The following CA11 variants were observed in gnomAD, a reference collection of about 807,000 sequenced individuals.
CA11 encodes carbonic anhydrase 11 (inactive).
A neutral mutation model predicts 39.3 loss-of-function variants in CA11; 20 were observed. The observed-to-expected ratio is 0.51, with a 90% confidence interval of 0.36 to 0.74. CA11 has a LOEUF of 0.74. Among genes scored for constraint, CA11 ranks in the 30% least tolerant of loss-of-function variants. CA11 has a pLI of 0.00. For synonymous variants in CA11, 166 were observed against 172.5 expected, an observed-to-expected ratio of 0.96 and a Z score of 0.29; for missense variants, 336 against 424.6, an observed-to-expected ratio of 0.79 and a Z score of 1.83.
intron 2 of CA11, 99 bp downstream of exon 2, chr19:48,645,304 G>C (rs2031213228): frequency 1.9e-6 from 2 of 1,064,168 alleles, no homozygotes; most frequent in African/African-American, 3.2e-5. Flanking sequence ...TGGGACTCCT[G>C]GTCCTGGGGG....
At position 48,638,121 on chromosome 19, in the gene CA11, A is replaced by G. The variant is rs1330031263; in HGVS notation, c.985T>C (p.Ter329ArgextTer?). ...GGTGCAATCCTCGAAGGGGAGTCTC[A>G]GCGACCATGGGGGACACCATCCACT... ...LHVDGVPHGR[*>R] The change falls in exon 9 of 9, where the codon TGA becomes CGA. Residue 329 changes from the stop codon to arginine, a stop_lost. Coordinates refer to ENST00000084798, the MANE Select transcript of CA11 (RefSeq NM_001217.5). 5.8e-6 allele frequency: 8 copies of G among 1,368,340 alleles called. No homozygotes were observed. The highest frequency in any genetic ancestry group is 7.6e-6 in the Non-Finnish European group (8 of 1,049,408). The allele number at this position is 1,368,340 out of a possible 1,614,324, so 84.8% of individuals were successfully genotyped here.
intron 2 of CA11, 117 bp downstream of exon 2, chr19:48,645,286 G>A: frequency 1.2e-6 from 1 of 851,086 alleles, no homozygotes; most frequent in Non-Finnish European, 1.9e-6. Flanking sequence ...AGGGACAGAG[G>A]AGGGGGCTGG....
chr19:48,645,758 C>A lies in CA11; in HGVS notation c.-126G>T. On this transcript the variant is annotated 5_prime_UTR_variant, in exon 1 of 9. Coordinates refer to ENST00000084798, the MANE Select transcript of CA11 (RefSeq NM_001217.5). The stretch of plus-strand genomic sequence containing the variant: ...CTTTCCTCTCCTCCCCACAGGGAGT[C>A]CCAGTTCCCCAAATGCCAAAGCAGC... 1 of 701,994 alleles carries A rather than the reference C, an allele frequency of 1.4e-6. No individual in the cohort carries two copies. The highest frequency in any genetic ancestry group is 2.2e-5 in the South Asian group (1 of 45,958). 43.5% of individuals were successfully genotyped at this position (701,994 alleles called of 1,614,324 possible). A position where few individuals can be genotyped will look rare whatever the true frequency, so the allele number is the denominator to read the frequency against.
intron 3 of CA11, among the ~76,000 whole-genome samples, chr19:48,640,978 G>GT (rs201065266): frequency 0.015 from 1,297 of 89,316 alleles, 23 homozygotes; most frequent in African/African-American, 0.035. Flanking sequence ...CCGGCTTTTT[G>GT]TTTTTGTTTT....
At position 48,640,253 on chromosome 19, in the gene CA11, G is replaced by C. The variant is rs1568443081; in HGVS notation, c.313C>G (p.Arg105Gly). 6.2e-7 allele frequency: 1 copy of C among 1,613,874 alleles called. No homozygotes were observed. The highest frequency in any genetic ancestry group is 8.5e-7 in the Non-Finnish European group (1 of 1,179,986). ...KLRGTLYNTG[R>G]HVSFLPAPRP... ...GGTGCAGGCAGGAAGGAGACATGTC[G>C]GCCGGTGTTGTACAAGGTTCCCCGG... The change falls in exon 4 of 9, where the codon CGA (arginine) becomes GGA (glycine). Residue 105 changes from arginine to glycine, a missense_variant. By Grantham distance (125) the Arg-to-Gly change is moderately radical. Transcript: ENST00000084798.
At position 48,643,776 on chromosome 19, in the gene CA11, C is replaced by T. The variant is rs2147722233; in HGVS notation, c.285+651G>A. On this transcript the variant is annotated intron_variant, in intron 3 of 8. Coordinates refer to ENST00000084798, the MANE Select transcript of CA11 (RefSeq NM_001217.5). This position sits in a 1 kb window ranked among gnomAD's most constrained non-coding sequence, Gnocchi z 4.3. Reference sequence around the variant, plus strand: ...CTTAACCTCTGTGTGTCAGTTTCTGCATGTATATAATAAGGTTAATAATTG... The same window carrying T: ...CTTAACCTCTGTGTGTCAGTTTCTGTATGTATATAATAAGGTTAATAATTG... Among the ~76,000 whole-genome samples, 1 of 152,168 alleles carries T rather than the reference C, an allele frequency of 6.6e-6. No individual in the cohort carries two copies. The highest frequency in any genetic ancestry group is 1.9e-4 in the East Asian group (1 of 5,184).
intron 3 of CA11, among the ~76,000 whole-genome samples, chr19:48,641,260 G>A (rs560367848): frequency 2.2e-4 from 34 of 151,910 alleles, no homozygotes; most frequent in African/African-American, 7.7e-4. Flanking sequence ...GGTTACAGGC[G>A]TGAGCCACCG....
Position 48,639,890 on chromosome 19 carries a change from G to T in CA11, c.472-7C>A. On this transcript the variant is annotated splice_region_variant and splice_polypyrimidine_tract_variant and intron_variant, in intron 4 of 8. Coordinates refer to ENST00000084798, the MANE Select transcript of CA11 (RefSeq NM_001217.5). ...TGAAGTGAATGAGCTGCACCTGGGG[G>T]TAGCACAGAGCATGGGGTCCCCCAG... The T allele has an allele frequency of 6.2e-7, 1 of 1,612,870 alleles. No homozygotes were observed. The highest frequency in any genetic ancestry group is 1.1e-5 in the South Asian group (1 of 91,058).
At position 48,639,410 on chromosome 19, in the gene CA11, T is replaced by C; in HGVS notation, c.690A>G (p.Glu230=). Residue 230 remains glutamate (E), a synonymous_variant, in exon 7 of 9, where the codon GAA becomes GAG. Coordinates refer to ENST00000084798, the MANE Select transcript of CA11 (RefSeq NM_001217.5). ...CCTGATAGGTGATGAAGCCGAAGGATTCAGGGAACAGGAGCTCCAGGCTCA... is the reference window on the plus strand; with the variant it reads ...CCTGATAGGTGATGAAGCCGAAGGACTCAGGGAACAGGAGCTCCAGGCTCA... ...QDLSLELLFP[E]SFGFITYQGS... is the part of the protein sequence containing the mutation. 1 of 1,613,592 alleles carries C rather than the reference T, an allele frequency of 6.2e-7. No homozygotes were observed. Among genetic ancestry groups the C allele is most frequent in the South Asian group, 1.1e-5 (1 of 91,068 alleles).
Position 48,643,410 on chromosome 19 carries a change from A to G in CA11, c.285+1017T>C, listed in dbSNP as rs932957889. Among the ~76,000 whole-genome samples the G allele has an allele frequency of 6.6e-6, 1 of 150,996 alleles. No homozygotes were observed. The highest frequency in any genetic ancestry group is 2.0e-4 in the East Asian group (1 of 5,068). ...TTTTTAGTAGAGATGGGGTTTCACC[A>G]TGTTGGCCAGGCTGATCTCGAACTC... On this transcript the variant is annotated intron_variant, in intron 3 of 8. Coordinates refer to ENST00000084798, the MANE Select transcript of CA11 (RefSeq NM_001217.5). This position sits in a 1 kb window ranked among gnomAD's most constrained non-coding sequence, Gnocchi z 4.3.
intron 7 of CA11, 80 bp from the exon 8 acceptor site, chr19:48,639,133 G>A: frequency 6.4e-7 from 1 of 1,571,744 alleles, no homozygotes; most frequent in Non-Finnish European, 8.7e-7. Context: ...CCCGCCCCTG[G>A]GAGCAGGTGG....
rs1196307232 is a variant in CA11 at position 48,645,648 on chromosome 19, G to A, written c.-16C>T. ...CAGCCCCCATCCCCAGGAGGCCTCC[G>A]AGGGACCCCTGCCCAACGCCCTGCC... is the stretch of plus-strand genomic sequence containing the variant. On this transcript the variant is annotated 5_prime_UTR_variant, in exon 1 of 9. Transcript: ENST00000084798. 1.3e-6 allele frequency: 2 copies of A among 1,549,044 alleles called. No individual in the cohort carries two copies. The highest frequency in any genetic ancestry group is 1.4e-5 in the African/African-American group (1 of 73,070).
At chr19:48,639,721 G>T in intron 5 of CA11, 67 bp downstream of exon 5, 1 of 1,583,560 alleles carries the variant, frequency 6.3e-7, no homozygotes, top group Non-Finnish European at 8.7e-7. Flanking sequence ...CCAGCACCCC[G>T]CTTCCCTCAG....
In CA11 at chr19:48,639,044, G is replaced by C. The variant is rs764108718; in HGVS notation, c.805C>G (p.Leu269Val). Residue 269 changes from leucine to valine, a missense_variant, in exon 8 of 9, where the codon CTG becomes GTG. Coordinates refer to ENST00000084798, the MANE Select transcript of CA11 (RefSeq NM_001217.5). ...LNITSLQMHS[L>V]RLLSQNPPSQ... ...GGAGGATTCTGGCTCAGGAGTCTCAGGGAGTGCATCTGCAGTGGAAGGAGG... is the reference window on the plus strand; with the variant it reads ...GGAGGATTCTGGCTCAGGAGTCTCACGGAGTGCATCTGCAGTGGAAGGAGG... 1 of 1,613,862 alleles carries C rather than the reference G, an allele frequency of 6.2e-7. No homozygotes were observed. Among genetic ancestry groups the C allele is most frequent in the Non-Finnish European group, 8.5e-7 (1 of 1,179,970 alleles).
intron 3 of CA11, among the ~76,000 whole-genome samples, chr19:48,641,107 G>A (rs998053453): frequency 3.8e-4 from 58 of 152,036 alleles, no homozygotes; most frequent in African/African-American, 1.4e-3. Context: ...AGGCTCCCGA[G>A]TAGCTGGGAC....
intron 2 of CA11, among the ~76,000 whole-genome samples, chr19:48,645,069 G>A (rs977550440): frequency 1.7e-4 from 26 of 152,102 alleles, no homozygotes; most frequent in African/African-American, 6.0e-4. Context: ...GGGGAGAGGA[G>A]CTGCAAGAGA....
intron 8 of CA11, 25 bp from the exon 9 acceptor site, chr19:48,638,169 G>A (rs761155355): frequency 2.3e-6 from 3 of 1,327,666 alleles, no homozygotes; most frequent in East Asian, 6.1e-5. Flanking sequence ...ACAACGGCAG[G>A]GGGCGTCAGT....
At chr19:48,639,202 G>C (rs929600766) in intron 7 of CA11, 103 bp downstream of exon 7, 14 of 1,533,106 alleles carry the variant, frequency 9.1e-6, no homozygotes, top group Non-Finnish European at 1.2e-5. Flanking sequence ...TTACCTACTT[G>C]AGTTCAGTCT....
In CA11 at chr19:48,645,430, C is replaced by A. The variant is rs1369604573; in HGVS notation, c.115G>T (p.Asp39Tyr). ...PDPEDWWSYKDNLQGNFVPGP... is the reference protein window; with the variant it reads ...PDPEDWWSYKYNLQGNFVPGP... ...GGCACGAAGTTTCCCTGGAGATTAT[C>A]CTTGTAGCTCCACCAGTCCTCGGGG... Residue 39 changes from aspartate to tyrosine, a missense_variant, in exon 2 of 9, where the codon GAT becomes TAT. Transcript: ENST00000084798. 4.4e-6 allele frequency: 7 copies of A among 1,598,514 alleles called. No individual in the cohort carries two copies. Among genetic ancestry groups the A allele is most frequent in the Non-Finnish European group, 5.1e-6 (6 of 1,172,132 alleles).
Sources: allele counts gnomAD v4.1 joint callset (sites outside exome capture counted in the v4.1 genomes callset), GRCh38; gene constraint gnomAD v4.1.1; non-coding constraint Gnocchi (gnomAD v3.1); transcripts MANE v1.5; gene names NCBI Gene and HGNC (gene_info 2026-07-23, HGNC 2026-07-21).